The following GSN variants were observed in gnomAD, a reference collection of about 807,000 sequenced individuals.
GSN encodes actin-depolymerizing factor.
Under a neutral mutation model 85.7 loss-of-function variants are expected in GSN, and 56 were observed. The ratio of observed to expected loss-of-function variants is 0.65; its 90% confidence interval spans 0.53 to 0.82. GSN has a LOEUF of 0.82. GSN is among the 40% of genes least tolerant of loss of function. The pLI is 0.00. For missense variants in GSN, 857 were observed against 979.8 expected (o/e 0.87, Z 1.67); for synonymous variants, 373 against 399.1 (o/e 0.93, Z 0.78).
chr9:121,267,414 G>A (rs905770321), upstream of GSN, among the ~76,000 whole-genome samples: 4 of 152,142 alleles, frequency 2.6e-5, no homozygotes, highest in African/African-American at 4.8e-5. Flanking sequence ...CAGAAGCCAC[G>A]GTCCCTGTCA....
intron 2 of GSN, chr9:121,282,439 G>C (rs774139943): frequency 1.0e-4 from 132 of 1,297,234 alleles, no homozygotes; most frequent in Non-Finnish European, 1.2e-4. Flanking sequence ...CTGCCAAAAG[G>C]AGAAGGGGAT....
intron 5 of GSN, among the ~76,000 whole-genome samples, chr9:121,245,265 T>C (rs1025101038): frequency 6.6e-6 from 1 of 152,250 alleles, no homozygotes; most frequent in Admixed American, 6.5e-5. Flanking sequence ...TGATAGGAGA[T>C]ATAAATCTAA....
chr9:121,299,714 C>T lies in GSN; in HGVS notation c.-9-2249C>T. 2.0e-6 allele frequency: 2 copies of T among 984,526 alleles called. No homozygotes were observed. Among genetic ancestry groups the T allele is most frequent in the Non-Finnish European group, 2.5e-6 (2 of 784,358 alleles). The allele number at this position is 984,526 out of a possible 1,614,324, so 61.0% of individuals were successfully genotyped here. ...TGTCGGGTCGATCCGGGTGGGAACC[C>T]AGATGTCTCCAAGATCCGAGACAGA... is the stretch of plus-strand genomic sequence containing the variant. On this transcript the variant is annotated intron_variant, in intron 2 of 17. Coordinates refer to ENST00000432226, the MANE Select transcript of GSN (RefSeq NM_198252.3). The surrounding 1 kb of genome is among the most constrained non-coding windows in gnomAD (Gnocchi z 4.2).
At chr9:121,234,380 G>T (rs532891665) in intron 5 of GSN, among the ~76,000 whole-genome samples, 29 of 152,160 alleles carry the variant, frequency 1.9e-4, no homozygotes, top group Non-Finnish European at 3.7e-4. Flanking sequence ...ATCACATATG[G>T]GATGCTGACT....
In GSN at chr9:121,313,991, G is replaced by T. The variant is rs150568054; in HGVS notation, c.721G>T (p.Ala241Ser). 6.2e-7 allele frequency: 1 copy of T among 1,614,174 alleles called. No homozygotes were observed. Among genetic ancestry groups the T allele is most frequent in the African/African-American group, 1.3e-5 (1 of 75,070 alleles). The part of the protein sequence containing the change: ...AGTEDTAKED[A>S]ANRKLAKLYK... ...TACCGAGGACACCGCCAAGGAGGAT[G>T]CGGCCAACCGCAAGCTGGCCAAGCT... The change falls in exon 7 of 18, where the codon GCG becomes TCG. Residue 241 changes from alanine to serine, a missense_variant. Coordinates refer to ENST00000432226, the MANE Select transcript of GSN (RefSeq NM_198252.3).
intron 13 of GSN, 99 bp downstream of exon 13, chr9:121,326,781 G>A: frequency 9.3e-7 from 1 of 1,074,180 alleles, no homozygotes. Context: ...GCAGGGGATG[G>A]TGAATGACGG....
At chr9:121,326,479 G>C (rs770814975) in intron 12 of GSN, 33 bp from the exon 13 acceptor site, 1 of 1,596,650 alleles carries the variant, frequency 6.3e-7, no homozygotes, top group Non-Finnish European at 8.6e-7. Context: ...CTGCCCCCAA[G>C]GTCCCTGACT....
chr9:121,261,530 G>A lies in GSN; in HGVS notation c.-340-3624G>A, dbSNP rs912696806. ...TCACCTTGCTGTGCCTCAGTTTCTC[G>A]ATCTATGAACTGGGAGTGAGAGTAG... is the stretch of plus-strand genomic sequence containing the variant. On this transcript the variant is annotated intron_variant, in intron 6 of 24. Coordinates refer to the GSN transcript ENST00000373823. The surrounding 1 kb of genome is among the most constrained non-coding windows in gnomAD (Gnocchi z 4.1). Among the ~76,000 whole-genome samples the A allele has an allele frequency of 2.0e-5, 3 of 152,242 alleles. No individual in the cohort carries two copies. The highest frequency in any genetic ancestry group is 4.4e-5 in the Non-Finnish European group (3 of 68,040).
At chr9:121,236,599 AAAAAG>A (rs1004901680) in intron 5 of GSN, among the ~76,000 whole-genome samples, 27 of 152,314 alleles carry the variant, frequency 1.8e-4, no homozygotes, top group African/African-American at 5.5e-4. Flanking sequence ...CCTAAGAGAA[AAAAAG>A]AAAAGAAATT....
At chr9:121,280,962 C>G (rs2132583466) in intron 1 of GSN, 1 of 153,592 alleles carries the variant, frequency 6.5e-6, no homozygotes, top group South Asian at 2.0e-4. Flanking sequence ...CTTGCCCTGT[C>G]CTGGATAGAG....
At chr9:121,264,019 G>A (rs761410565), upstream of GSN, among the ~76,000 whole-genome samples, 2 of 152,078 alleles carry the variant, frequency 1.3e-5, no homozygotes, top group Non-Finnish European at 2.9e-5. Flanking sequence ...GGGGATTATG[G>A]GGATTACAAT....
intron 8 of GSN, 38 bp downstream of exon 8, chr9:121,317,256 G>A (rs1477273162): frequency 1.2e-6 from 2 of 1,608,910 alleles, no homozygotes; most frequent in East Asian, 2.2e-5. Flanking sequence ...CTGGCCTGTA[G>A]GATCTTGGAT....
intron 2 of GSN, among the ~76,000 whole-genome samples, chr9:121,301,404 A>T (rs901982559): frequency 6.6e-6 from 1 of 152,312 alleles, no homozygotes; most frequent in African/African-American, 2.4e-5. Context: ...AGGCAGGTGG[A>T]TCACCTGAGG....
chr9:121,319,246 G>A (rs2062094345), intron 10 of GSN, among the ~76,000 whole-genome samples: 1 of 152,178 alleles, frequency 6.6e-6, no homozygotes, highest in Non-Finnish European at 1.5e-5. Flanking sequence ...GGTCTCAGAG[G>A]AGGAGTAGAG....
At position 121,272,099 on chromosome 9, in the gene GSN, G is replaced by A. The variant is rs145069854; in HGVS notation, c.-103+3880G>A. Among the ~76,000 whole-genome samples, 436 of 152,266 alleles carry A rather than the reference G, an allele frequency of 2.9e-3. 1 individual carries two copies. The highest frequency in any genetic ancestry group is 5.0e-3 in the Non-Finnish European group (343 of 68,010). On this transcript the variant is annotated intron_variant, in intron 1 of 17. Coordinates refer to ENST00000432226, the MANE Select transcript of GSN (RefSeq NM_198252.3). ...GGATGTTAAGTAAAAATATCTCCTC[G>A]CTTTCAACGGAGTGAGCGTGTGTCA...
intron 4 of GSN, among the ~76,000 whole-genome samples, chr9:121,213,486 G>T (rs887654821): frequency 7.2e-5 from 11 of 152,208 alleles, no homozygotes; most frequent in African/African-American, 2.2e-4. Context: ...GGCACACCTG[G>T]TTTGGCAGCA....
At chr9:121,237,617 G>C (rs1184991189) in intron 5 of GSN, among the ~76,000 whole-genome samples, 1 of 152,200 alleles carries the variant, frequency 6.6e-6, no homozygotes, top group Non-Finnish European at 1.5e-5. Flanking sequence ...TAGAGCAGCA[G>C]CACAGAACCA....
intron 6 of GSN, among the ~76,000 whole-genome samples, chr9:121,254,581 C>G (rs557253200): frequency 2.0e-5 from 3 of 152,260 alleles, no homozygotes; most frequent in African/African-American, 7.2e-5. Flanking sequence ...AGGCTCTGGT[C>G]TTTGGCTTTG....
chr9:121,332,521 T>C lies in GSN; in HGVS notation c.2114T>C (p.Phe705Ser). The C allele has an allele frequency of 1.2e-6, 2 of 1,613,970 alleles. No homozygotes were observed. Among genetic ancestry groups the C allele is most frequent in the Non-Finnish European group, 1.7e-6 (2 of 1,179,900 alleles). ...AAGCAAGGCTTTGAGCCTCCCTCCT[T>C]TGTGGGCTGGTTCCTTGGCTGGGAT... ...VVKQGFEPPS[F>S]VGWFLGWDDD... is the part of the protein sequence containing the mutation. The change falls in exon 18 of 18, where the codon TTT (phenylalanine) becomes TCT (serine). Residue 705 changes from phenylalanine to serine, a missense_variant. Transcript: ENST00000432226. The surrounding 1 kb of genome is among the most constrained non-coding windows in gnomAD (Gnocchi z 4.8).
Sources: allele counts gnomAD v4.1 joint callset (sites outside exome capture counted in the v4.1 genomes callset), GRCh38; gene constraint gnomAD v4.1.1; non-coding constraint Gnocchi (gnomAD v3.1); transcripts MANE v1.5; gene names NCBI Gene and HGNC (gene_info 2026-07-23, HGNC 2026-07-21).